The following KSR2 variants were observed in gnomAD, a reference collection of about 807,000 sequenced individuals.
KSR2 encodes the protein kinase suppressor of ras 2.
In KSR2, 25 loss-of-function variants were observed where a neutral mutation model predicts 107.8. That is an observed-to-expected ratio of 0.23 (90% CI 0.17 to 0.32). KSR2 has a LOEUF of 0.32. Among genes scored for constraint, KSR2 ranks in the 10% least tolerant of loss-of-function variants. The pLI is 1.00. For missense variants in KSR2, 887 were observed against 1,268.9 expected (o/e 0.70, Z 4.57); for synonymous variants, 480 against 507.0 (o/e 0.95, Z 0.71).
intron 1 of KSR2, among the ~76,000 whole-genome samples, chr12:117,962,242 C>T (rs1896682336): frequency 6.6e-6 from 1 of 151,070 alleles, no homozygotes; most frequent in Non-Finnish European, 1.5e-5. Context: ...TTTCCCCTTG[C>T]AATTTAACTA....
intron 1 of KSR2, among the ~76,000 whole-genome samples, chr12:117,915,326 A>T (rs1331147187): frequency 6.6e-6 from 1 of 152,206 alleles, no homozygotes; most frequent in African/African-American, 2.4e-5. Flanking sequence ...ATGAAAAGGC[A>T]CTAATCTCTC....
chr12:117,754,730 G>A (rs1323445967), intron 4 of KSR2, among the ~76,000 whole-genome samples: 1 of 152,154 alleles, frequency 6.6e-6, no homozygotes, highest in Non-Finnish European at 1.5e-5. Flanking sequence ...GAACTTGGGA[G>A]GCAGAGGTTG....
At chr12:117,899,089 A>G (rs1473537498) in intron 1 of KSR2, among the ~76,000 whole-genome samples, 1 of 152,184 alleles carries the variant, frequency 6.6e-6, no homozygotes, top group South Asian at 2.1e-4. Flanking sequence ...CTGATACTTA[A>G]TATGTGAAAA....
intron 17 of KSR2, among the ~76,000 whole-genome samples, chr12:117,475,405 C>A (rs1285898300): frequency 2.0e-5 from 3 of 152,130 alleles, no homozygotes; most frequent in East Asian, 1.9e-4. Flanking sequence ...ATATATTATT[C>A]CATGTGGGCA....
At chr12:117,674,919 G>A (rs929627530) in intron 4 of KSR2, among the ~76,000 whole-genome samples, 1 of 152,076 alleles carries the variant, frequency 6.6e-6, no homozygotes. Context: ...AGCTGTTCGG[G>A]TCATCTTTCT....
chr12:117,916,493 T>A (rs750704979), intron 1 of KSR2, among the ~76,000 whole-genome samples: 2 of 152,212 alleles, frequency 1.3e-5, no homozygotes, highest in African/African-American at 2.4e-5. Context: ...GTATATGCAC[T>A]TGCTGGATCA....
chr12:117,866,973 C>A (rs1893494014), intron 1 of KSR2, among the ~76,000 whole-genome samples: 1 of 152,068 alleles, frequency 6.6e-6, no homozygotes. Flanking sequence ...TTACTTGGGG[C>A]TTAACCCTAC....
intron 2 of KSR2, among the ~76,000 whole-genome samples, chr12:117,858,109 T>C (rs1893160219): frequency 6.6e-6 from 1 of 152,218 alleles, no homozygotes; most frequent in African/African-American, 2.4e-5. Flanking sequence ...ACAGACTCTT[T>C]CGGTTTTTAA....
In KSR2 at chr12:117,467,918, TG is replaced by T. The variant is rs1396434266; in HGVS notation, c.2847-714del. On this transcript the variant is annotated intron_variant, in intron 19 of 19. Coordinates refer to ENST00000339824, the MANE Select transcript of KSR2 (RefSeq NM_173598.6). ...CCTATTCTGCTAGACCACAGTCCTG[TG>T]TTTTTTTTTTTTTTTTCCAGCCCAA... 6.5e-5 allele frequency: 14 copies of T among 215,738 alleles called. 1 individual carries two copies. The highest frequency in any genetic ancestry group is 3.1e-4 in the African/African-American group (3 of 9,586). The allele number at this position is 215,738 out of a possible 1,614,324, so 13.4% of individuals were successfully genotyped here.
At chr12:117,483,302 A>G (rs1292720628) in intron 16 of KSR2, among the ~76,000 whole-genome samples, 1 of 152,072 alleles carries the variant, frequency 6.6e-6, no homozygotes, top group Non-Finnish European at 1.5e-5. Context: ...CCAACTTATA[A>G]CAGATTCAAG....
At chr12:117,530,176 AC>A (rs1300779974) in intron 12 of KSR2, among the ~76,000 whole-genome samples, 2 of 152,228 alleles carry the variant, frequency 1.3e-5, no homozygotes, top group Non-Finnish European at 2.9e-5. Flanking sequence ...AATGGAAAGA[AC>A]ACACATAGAA....
chr12:117,629,896 T>G (rs1202771518), intron 5 of KSR2, among the ~76,000 whole-genome samples: 1 of 152,178 alleles, frequency 6.6e-6, no homozygotes, highest in Non-Finnish European at 1.5e-5. Context: ...CTCCATAAAG[T>G]CTACTCCCAT....
chr12:117,699,467 A>C (rs1886211180), intron 4 of KSR2, among the ~76,000 whole-genome samples: 1 of 152,212 alleles, frequency 6.6e-6, no homozygotes, highest in Admixed American at 6.5e-5. Context: ...AGAGCCTACT[A>C]CACACCTGGG....
intron 3 of KSR2, among the ~76,000 whole-genome samples, chr12:117,777,903 T>C (rs1889751199): frequency 6.6e-6 from 1 of 151,930 alleles, no homozygotes; most frequent in Non-Finnish European, 1.5e-5. Flanking sequence ...TATGGTGGCA[T>C]GCACCTGTAG....
intron 4 of KSR2, among the ~76,000 whole-genome samples, chr12:117,692,588 C>CAAAT (rs1200142344): frequency 6.8e-6 from 1 of 147,312 alleles, no homozygotes; most frequent in Non-Finnish European, 1.5e-5. Context: ...GGTACTTAAA[C>CAAAT]AAATACACGT....
chr12:117,559,699 G>T, intron 7 of KSR2, among the ~76,000 whole-genome samples: 2 of 152,308 alleles, frequency 1.3e-5, no homozygotes, highest in Admixed American at 1.3e-4. Flanking sequence ...CCTTTGAGAG[G>T]AGCCAAAGAG....
rs139994963 is a variant in KSR2 at position 117,498,262 on chromosome 12, G to A, written c.2220-12571C>T. Among the ~76,000 whole-genome samples the A allele has an allele frequency of 4.5e-3, 681 of 152,200 alleles. 3 individuals carry two copies. The highest frequency in any genetic ancestry group is 0.016 in the African/African-American group (658 of 41,542). ...CTCTGAACCCTCATTTGCTCACTGAGCTCAGCTGAGACTACCCCATTCCAA... is the reference window on the plus strand; with the variant it reads ...CTCTGAACCCTCATTTGCTCACTGAACTCAGCTGAGACTACCCCATTCCAA... On this transcript the variant is annotated intron_variant, in intron 14 of 19. Transcript: ENST00000339824.
intron 1 of KSR2, among the ~76,000 whole-genome samples, chr12:117,940,486 T>C (rs760738983): frequency 3.3e-5 from 5 of 152,244 alleles, no homozygotes; most frequent in Non-Finnish European, 7.3e-5. Context: ...CCATCAGCCT[T>C]ATTTTCATCT....
intron 4 of KSR2, among the ~76,000 whole-genome samples, chr12:117,748,274 T>C (rs1888486801): frequency 6.6e-6 from 1 of 152,184 alleles, no homozygotes; most frequent in African/African-American, 2.4e-5. Flanking sequence ...GAATGGTGGT[T>C]ACCAGGAGCT....
Sources: gnomAD v4.1 joint callset for allele counts (sites outside exome capture counted in the v4.1 genomes callset) on GRCh38, gnomAD v4.1.1 for gene constraint, MANE v1.5 for transcripts, NCBI Gene and HGNC (gene_info 2026-07-23, HGNC 2026-07-21) for gene names.